PDPK1: variants seen among roughly 807,000 people sequenced by gnomAD.
The protein encoded by PDPK1 is 3-phosphoinositide-dependent protein kinase 1.
A neutral mutation model predicts 39.8 loss-of-function variants in PDPK1; 7 were observed. The ratio of observed to expected loss-of-function variants is 0.18; its 90% CI spans 0.10 to 0.33. The LOEUF (loss-of-function observed/expected upper bound fraction) is 0.33. PDPK1 is among the 10% of genes least tolerant of loss of function. The probability of loss-of-function intolerance (pLI) is 1.00; values close to 1 mark genes in which losing one functional copy is unlikely to be tolerated. For missense variants in PDPK1, 182 were observed against 384.7 expected (o/e 0.47, Z 4.41); for synonymous variants, 118 against 159.1 (o/e 0.74, Z 1.95).
chr16:2,545,009 C>T (rs1367985924), intron 1 of PDPK1, among the ~76,000 whole-genome samples: 1 of 151,326 alleles, frequency 6.6e-6, no homozygotes, highest in Non-Finnish European at 1.5e-5. Flanking sequence ...ACCTCTTCAT[C>T]ATCACATCCG....
intron 1 of PDPK1, among the ~76,000 whole-genome samples, chr16:2,541,074 T>A (rs1404410158): frequency 1.3e-5 from 2 of 152,198 alleles, no homozygotes; most frequent in Non-Finnish European, 2.9e-5. Context: ...AAGCTGAGTC[T>A]AGAGCTGGCA....
intron 1 of PDPK1, among the ~76,000 whole-genome samples, chr16:2,541,967 A>T (rs2066253116): frequency 6.6e-6 from 1 of 151,426 alleles, no homozygotes; most frequent in South Asian, 2.1e-4. Context: ...GTTCATGATG[A>T]TTGTTGGGGT....
chr16:2,573,627 G>A (rs1438907996), intron 6 of PDPK1, among the ~76,000 whole-genome samples: 3 of 65,266 alleles, frequency 4.6e-5, no homozygotes, highest in Non-Finnish European at 2.7e-5. Context: ...TCGGAGACCA[G>A]TTGAGGTGGG....
chr16:2,540,188 C>G (rs1439107254), intron 1 of PDPK1, among the ~76,000 whole-genome samples: 1 of 152,134 alleles, frequency 6.6e-6, no homozygotes, highest in East Asian at 1.9e-4. Context: ...CCCTGTAGGC[C>G]CTGTGTGAGA....
chr16:2,546,600 G>C (rs1597022083), intron 1 of PDPK1, among the ~76,000 whole-genome samples: 3 of 152,300 alleles, frequency 2.0e-5, no homozygotes. Flanking sequence ...AAAGTGCTGG[G>C]ATTACAGGTG....
intron 12 of PDPK1, 38 bp downstream of exon 12, chr16:2,595,888 C>T (rs766808966): frequency 3.3e-6 from 5 of 1,521,132 alleles, no homozygotes; most frequent in Non-Finnish European, 4.6e-6. Context: ...GCACGGACAC[C>T]TGCATCTTCC....
chr16:2,584,899 T>G (rs2141989091), intron 10 of PDPK1, among the ~76,000 whole-genome samples: 1 of 152,316 alleles, frequency 6.6e-6, no homozygotes, highest in Non-Finnish European at 1.5e-5. Flanking sequence ...CCCCACCCTG[T>G]GTGCCACTCA....
At chr16:2,586,569 G>GCCT in intron 10 of PDPK1, 107 bp from the exon 11 acceptor site, 1 of 913,542 alleles carries the variant, frequency 1.1e-6, no homozygotes, top group Non-Finnish European at 1.7e-6. Context: ...GCGCCTTGCT[G>GCCT]TGTGCGAGCT....
intron 1 of PDPK1, among the ~76,000 whole-genome samples, chr16:2,542,010 G>C (rs1353906308): frequency 6.6e-6 from 1 of 151,910 alleles, no homozygotes; most frequent in African/African-American, 2.4e-5. Context: ...GTTGCACAAA[G>C]TCCGTTTCCA....
chr16:2,588,399 C>T (rs1247943148), intron 11 of PDPK1, among the ~76,000 whole-genome samples: 3 of 152,160 alleles, frequency 2.0e-5, no homozygotes, highest in African/African-American at 7.2e-5. Context: ...TGCTGGGGTC[C>T]CCACGAAGGG....
chr16:2,540,948 T>G (rs1347450953), intron 1 of PDPK1, among the ~76,000 whole-genome samples: 1 of 152,164 alleles, frequency 6.6e-6, no homozygotes, highest in Non-Finnish European at 1.5e-5. Context: ...GCAGGGAGCA[T>G]GGAGAGAAGT....
At chr16:2,586,935 C>T (rs1226926338) in intron 11 of PDPK1, 42 bp downstream of exon 11, 3 of 1,547,786 alleles carry the variant, frequency 1.9e-6, no homozygotes, top group Non-Finnish European at 8.9e-7. Flanking sequence ...TGCAGAATTG[C>T]AGCGTGAACA....
In PDPK1 at chr16:2,602,597, C is replaced by T. The variant is rs1351005263; in HGVS notation, c.*4830C>T. On this transcript the variant is annotated 3_prime_UTR_variant, in exon 14 of 14. Coordinates refer to ENST00000342085, the MANE Select transcript of PDPK1 (RefSeq NM_002613.5). ...GTGCTGGTAAAAGCCTCTATTACGA[C>T]TGTAAGTAAGTTGGATGTTGGCAAA... 1 of 234,040 alleles carries T rather than the reference C, an allele frequency of 4.3e-6. No homozygotes were observed. Among genetic ancestry groups the T allele is most frequent in the Non-Finnish European group, 8.5e-6 (1 of 118,064 alleles). The allele number at this position is 234,040 out of a possible 1,614,324, so 14.5% of individuals were successfully genotyped here.
chr16:2,597,188 T>C lies in PDPK1; in HGVS notation c.1467T>C (p.Pro489=), dbSNP rs2067120857. 1.3e-6 allele frequency: 2 copies of C among 1,593,468 alleles called. No homozygotes were observed. Among genetic ancestry groups the C allele is most frequent in the African/African-American group, 1.3e-5 (1 of 74,594 alleles). The part of the protein sequence containing the change: ...TEGPHLYYVD[P]VNKVLKGEIP... ...GACCACATTTATATTATGTGGATCC[T>C]GTCAACAAAGTTCTGAAAGGTGAAA... The change falls in exon 13 of 14, where the codon CCT becomes CCC. Residue 489 remains proline (P), a synonymous_variant. Transcript: ENST00000342085. This position sits in a 1 kb window ranked among gnomAD's most constrained non-coding sequence, Gnocchi z 6.3.
Position 2,601,697 on chromosome 16 carries a change from C to T in PDPK1, c.*3930C>T, listed in dbSNP as rs2067219348. On this transcript the variant is annotated 3_prime_UTR_variant, in exon 14 of 14. Coordinates refer to ENST00000342085, the MANE Select transcript of PDPK1 (RefSeq NM_002613.5). ...CAAGAGTGCATTTGTCTCCCCCTTCCACCCGTGGGGCCCCACCTTCAGGTC... is the reference window on the plus strand; with the variant it reads ...CAAGAGTGCATTTGTCTCCCCCTTCTACCCGTGGGGCCCCACCTTCAGGTC... The T allele has an allele frequency of 1.5e-5, 1 of 64,780 alleles. No individual in the cohort carries two copies. The highest frequency in any genetic ancestry group is 3.4e-4 in the African/African-American group (1 of 2,928). 4.0% of individuals were successfully genotyped at this position (64,780 alleles called of 1,614,324 possible).
intron 11 of PDPK1, among the ~76,000 whole-genome samples, chr16:2,588,838 T>A (rs941379159): frequency 6.6e-6 from 1 of 152,202 alleles, no homozygotes; most frequent in Non-Finnish European, 1.5e-5. Flanking sequence ...TAAGATGTTA[T>A]TTGCCTTTTT....
At position 2,599,262 on chromosome 16, in the gene PDPK1, C is replaced by G. The variant is rs2142014680; in HGVS notation, c.*1495C>G. ...GACATTGCTGCCCACAGACCTGCCT[C>G]TGACTCAACTGTGTCCACCCTCCCT... On this transcript the variant is annotated 3_prime_UTR_variant, in exon 14 of 14. Coordinates refer to ENST00000342085, the MANE Select transcript of PDPK1 (RefSeq NM_002613.5). 1 of 233,262 alleles carries G rather than the reference C, an allele frequency of 4.3e-6. No homozygotes were observed. The highest frequency in any genetic ancestry group is 6.0e-5 in the East Asian group (1 of 16,588). The allele number at this position is 233,262 out of a possible 1,614,324, so 14.4% of individuals were successfully genotyped here.
At chr16:2,586,150 G>T (rs563729223) in intron 10 of PDPK1, among the ~76,000 whole-genome samples, 3 of 152,344 alleles carry the variant, frequency 2.0e-5, no homozygotes, top group Admixed American at 6.5e-5. Flanking sequence ...TATCTTTGCT[G>T]GGATTAAGAG....
chr16:2,542,663 G>A (rs1432991186), intron 1 of PDPK1, among the ~76,000 whole-genome samples: 53 of 152,310 alleles, frequency 3.5e-4, no homozygotes, highest in East Asian at 1.4e-3. Context: ...AGTGACTTCC[G>A]TCATTCCACA....
Sources: allele counts gnomAD v4.1 joint callset (sites outside exome capture counted in the v4.1 genomes callset), GRCh38; gene constraint gnomAD v4.1.1; non-coding constraint Gnocchi (gnomAD v3.1); transcripts MANE v1.5; gene names NCBI Gene and HGNC (gene_info 2026-07-23, HGNC 2026-07-21).